The following NRG3 variants were observed in gnomAD, a reference collection of about 807,000 sequenced individuals.
NRG3 encodes pro-neuregulin-3, membrane-bound isoform.
NRG3 carries 31 observed loss-of-function variants against 66.9 expected under a neutral mutation model. The observed-to-expected ratio is 0.46, with a 90% CI of 0.35 to 0.63. The LOEUF is 0.63. Among genes scored for constraint, NRG3 ranks in the 20% least tolerant of loss-of-function variants. The pLI is 0.00. For missense variants in NRG3, 910 were observed against 878.9 expected, an observed-to-expected ratio of 1.04 and a Z score of -0.45; for synonymous variants, 393 against 359.4, an observed-to-expected ratio of 1.09 and a Z score of -1.06.
intron 1 of NRG3, among the ~76,000 whole-genome samples, chr10:81,987,570 A>T (rs2060574206): frequency 6.6e-6 from 1 of 152,218 alleles, no homozygotes; most frequent in Non-Finnish European, 1.5e-5. Flanking sequence ...CAAATGGCAA[A>T]ATGGCTTTTG....
intron 1 of NRG3, among the ~76,000 whole-genome samples, chr10:81,987,537 T>C (rs1374881894): frequency 6.6e-6 from 1 of 151,764 alleles, no homozygotes; most frequent in Non-Finnish European, 1.5e-5. Context: ...CAGTCAAGAG[T>C]GTGTAAAAAT....
chr10:82,550,083 C>G (rs1376709782), intron 2 of NRG3, among the ~76,000 whole-genome samples: 1 of 152,116 alleles, frequency 6.6e-6, no homozygotes, highest in African/African-American at 2.4e-5. Context: ...GTGCTGAAGT[C>G]CTCGAGTAGA....
chr10:81,946,686 A>G (rs370463255), intron 1 of NRG3, among the ~76,000 whole-genome samples: 1 of 152,210 alleles, frequency 6.6e-6, no homozygotes, highest in East Asian at 1.9e-4. Flanking sequence ...TTATGCTCAC[A>G]GGTTGCTACA....
intron 1 of NRG3, among the ~76,000 whole-genome samples, chr10:82,114,591 A>G (rs1314718119): frequency 6.6e-6 from 1 of 152,074 alleles, no homozygotes; most frequent in Non-Finnish European, 1.5e-5. Flanking sequence ...ACTTCTGGAG[A>G]AAAAAAGCAT....
At chr10:82,457,524 A>G (rs2091322324) in intron 2 of NRG3, among the ~76,000 whole-genome samples, 1 of 152,090 alleles carries the variant, frequency 6.6e-6, no homozygotes, top group Non-Finnish European at 1.5e-5. Context: ...GACCAGCAGC[A>G]GTCCATGGCC....
chr10:82,013,879 G>A (rs761038098), intron 1 of NRG3, among the ~76,000 whole-genome samples: 1 of 151,538 alleles, frequency 6.6e-6, no homozygotes, highest in Non-Finnish European at 1.5e-5. Context: ...TTTTTTCTTG[G>A]CTATGAACTC....
intron 1 of NRG3, among the ~76,000 whole-genome samples, chr10:82,166,071 G>A (rs532206797): frequency 6.6e-6 from 1 of 151,960 alleles, no homozygotes; most frequent in South Asian, 2.1e-4. Flanking sequence ...TGCCCAGACT[G>A]GAGTGCAACA....
intron 1 of NRG3, among the ~76,000 whole-genome samples, chr10:82,250,274 T>G (rs950798971): frequency 6.6e-5 from 10 of 152,194 alleles, no homozygotes; most frequent in Non-Finnish European, 1.5e-4. Flanking sequence ...TTAACTTTTA[T>G]TTTTGTGCTT....
At chr10:82,200,167 A>T (rs1564656705) in intron 1 of NRG3, among the ~76,000 whole-genome samples, 1 of 152,176 alleles carries the variant, frequency 6.6e-6, no homozygotes, top group Non-Finnish European at 1.5e-5. Flanking sequence ...ATAAATGACA[A>T]TGTGCATTCT....
intron 2 of NRG3, among the ~76,000 whole-genome samples, chr10:82,439,368 T>C (rs2090317056): frequency 7.0e-6 from 1 of 142,648 alleles, no homozygotes; most frequent in Non-Finnish European, 1.5e-5. Flanking sequence ...ATAAATTTTA[T>C]ACTTTAAAAC....
intron 2 of NRG3, among the ~76,000 whole-genome samples, chr10:82,656,224 A>G (rs1461848687): frequency 6.6e-6 from 1 of 152,002 alleles, no homozygotes; most frequent in Non-Finnish European, 1.5e-5. Flanking sequence ...TGAGCAATAT[A>G]TTGAAAAATC....
At chr10:82,910,702 T>G (rs1286140072) in intron 4 of NRG3, among the ~76,000 whole-genome samples, 1 of 152,226 alleles carries the variant, frequency 6.6e-6, no homozygotes, top group Non-Finnish European at 1.5e-5. Context: ...TCATGTACTT[T>G]CCCCCAAATA....
At chr10:82,124,745 T>G (rs1469905993) in intron 1 of NRG3, among the ~76,000 whole-genome samples, 1 of 150,892 alleles carries the variant, frequency 6.6e-6, no homozygotes, top group Non-Finnish European at 1.5e-5. Context: ...AAAAAAAAAG[T>G]TTAACAAGTT....
rs1487789213 is a variant in NRG3 at position 82,227,435 on chromosome 10, C to A, written c.824-131304C>A. 1.3e-5 allele frequency among the ~76,000 whole-genome samples: 2 copies of A among 151,868 alleles called. 1 individual carries two copies. Among genetic ancestry groups the A allele is most frequent in the South Asian group, 4.1e-4 (2 of 4,820 alleles). ...TATTGTATCATTTATTGATTTTGAA[C>A]TTGATGCTGGGTTTGATTAAGGGAA... On this transcript the variant is annotated intron_variant, in intron 1 of 8. Coordinates refer to ENST00000372141, the MANE Select transcript of NRG3 (RefSeq NM_001010848.4).
intron 3 of NRG3, among the ~76,000 whole-genome samples, chr10:82,862,133 C>T (rs1780098292): frequency 6.6e-6 from 1 of 152,118 alleles, no homozygotes; most frequent in South Asian, 2.1e-4. Flanking sequence ...CCCCTTGCAC[C>T]CTCAGGCATC....
intron 2 of NRG3, among the ~76,000 whole-genome samples, chr10:82,374,108 T>C (rs2085060668): frequency 1.3e-5 from 2 of 152,246 alleles, no homozygotes; most frequent in South Asian, 4.1e-4. Flanking sequence ...CTCTCATTTT[T>C]TAGACGACAA....
At chr10:82,744,421 C>T (rs1045027264) in intron 3 of NRG3, among the ~76,000 whole-genome samples, 6 of 152,146 alleles carry the variant, frequency 3.9e-5, no homozygotes, top group Admixed American at 6.5e-5. Flanking sequence ...TGTTTCCTTA[C>T]ATTGGAAGGC....
intron 2 of NRG3, among the ~76,000 whole-genome samples, chr10:82,502,158 A>G (rs946803014): frequency 1.3e-5 from 2 of 152,160 alleles, no homozygotes; most frequent in African/African-American, 4.8e-5. Flanking sequence ...CTCTAAAAAA[A>G]TTAGGGTTTT....
At chr10:82,523,274 C>G (rs1254614565) in intron 2 of NRG3, among the ~76,000 whole-genome samples, 1 of 151,912 alleles carries the variant, frequency 6.6e-6, no homozygotes, top group Admixed American at 6.6e-5. Flanking sequence ...GGGTATATAT[C>G]TAGGAGTAGA....
Sources: gnomAD v4.1 joint callset for allele counts (sites outside exome capture counted in the v4.1 genomes callset) on GRCh38, gnomAD v4.1.1 for gene constraint, MANE v1.5 for transcripts, NCBI Gene and HGNC (gene_info 2026-07-23, HGNC 2026-07-21) for gene names.